PDXDC1: variants seen among roughly 807,000 people sequenced by gnomAD.
PDXDC1 encodes pyridoxal-dependent decarboxylase domain-containing protein 1.
A neutral mutation model predicts 100.1 loss-of-function variants in PDXDC1; 42 were observed. The observed-to-expected ratio is 0.42, with a 90% CI of 0.33 to 0.54. The LOEUF is 0.54. Among genes scored for constraint, PDXDC1 ranks in the 20% least tolerant of loss-of-function variants. PDXDC1 has a pLI of 0.10. For missense variants in PDXDC1, 636 were observed against 979.2 expected, an observed-to-expected ratio of 0.65 and a Z score of 4.68; for synonymous variants, 260 against 371.7, an observed-to-expected ratio of 0.70 and a Z score of 3.46.
chr16:15,137,288 C>A, intron 16 of PDXDC1: 1 of 885,020 alleles, frequency 1.1e-6, no homozygotes, highest in Non-Finnish European at 1.7e-6. Context: ...GAGGGTGGGG[C>A]CCCTACAGGT....
intron 16 of PDXDC1, among the ~76,000 whole-genome samples, chr16:15,099,022 C>A (rs2046451962): frequency 6.6e-6 from 1 of 152,186 alleles, no homozygotes; most frequent in Admixed American, 6.5e-5. Flanking sequence ...ACACTTCCAG[C>A]AATATCTTCT....
rs2045287520 is a variant in PDXDC1 at position 15,072,695 on chromosome 16, G to GT, written c.1399+42640dup. On this transcript the variant is annotated intron_variant, in intron 16 of 16. Transcript: ENST00000535621. ...ACCTGTGGTCCCAGCTATCGAGAGG[G>GT]TAAGGACTGAGAGTCCGTTGAGCCC... is the stretch of plus-strand genomic sequence containing the variant. Among the ~76,000 whole-genome samples the GT allele has an allele frequency of 2.0e-5, 3 of 152,236 alleles. No individual in the cohort carries two copies. The South Asian group carries it at 6.2e-4, about 32-fold the overall frequency.
At chr16:15,080,420 A>G (rs1472227901) in intron 16 of PDXDC1, among the ~76,000 whole-genome samples, 2 of 152,218 alleles carry the variant, frequency 1.3e-5, no homozygotes, top group Admixed American at 6.5e-5. Context: ...GACCATCAAC[A>G]TAATCAATTT....
intron 16 of PDXDC1, among the ~76,000 whole-genome samples, chr16:15,097,548 A>G (rs1364210770): frequency 1.3e-5 from 2 of 149,370 alleles, no homozygotes; most frequent in African/African-American, 4.9e-5. Context: ...AAGCTGAGGC[A>G]GGAGAATGGC....
At chr16:15,009,983 A>G (rs1204381396) in intron 8 of PDXDC1, among the ~76,000 whole-genome samples, 1 of 152,284 alleles carries the variant, frequency 6.6e-6, no homozygotes, top group Non-Finnish European at 1.5e-5. Context: ...ATACTTTTTC[A>G]TTTAGATGGT....
chr16:14,991,739 C>G (rs1251890582), intron 1 of PDXDC1, among the ~76,000 whole-genome samples: 1 of 152,242 alleles, frequency 6.6e-6, no homozygotes, highest in Non-Finnish European at 1.5e-5. Context: ...CCAGGCTCAT[C>G]TCAAACTCCC....
At chr16:15,043,344 A>C (rs978673987) in intron 16 of PDXDC1, among the ~76,000 whole-genome samples, 1 of 152,136 alleles carries the variant, frequency 6.6e-6, no homozygotes, top group Non-Finnish European at 1.5e-5. Context: ...CCGGATATGA[A>C]CCTTTTTTAA....
At chr16:15,041,798 CGCGCCCACACTGCCACAGCCT>C, downstream of PDXDC1, 1 of 737,002 alleles carries the variant, frequency 1.4e-6, no homozygotes. Context: ...CCCTACAGCC[CGCGCCCACACTGCCACAGCCT>C]GGCCTATGGG....
intron 16 of PDXDC1, among the ~76,000 whole-genome samples, chr16:15,122,331 C>G (rs1308847144): frequency 6.8e-6 from 1 of 147,010 alleles, no homozygotes; most frequent in Non-Finnish European, 1.5e-5. Flanking sequence ...CCACCTCAGC[C>G]TCTCCAGTAA....
chr16:15,145,064 G>T, the PDXDC1 span, among the ~76,000 whole-genome samples: 11 of 152,152 alleles, frequency 7.2e-5, no homozygotes, highest in African/African-American at 2.7e-4. Flanking sequence ...GCTCCTGATG[G>T]GCACAGAGGC....
intron 16 of PDXDC1, chr16:15,136,270 C>A (rs1489554543): frequency 3.3e-6 from 2 of 614,720 alleles, no homozygotes; most frequent in Non-Finnish European, 5.7e-6. Flanking sequence ...GAGCAGGGCC[C>A]ACCACCCCAG....
intron 5 of PDXDC1, among the ~76,000 whole-genome samples, chr16:15,004,698 T>C (rs1369071702): frequency 6.6e-6 from 1 of 152,234 alleles, no homozygotes; most frequent in African/African-American, 2.4e-5. Context: ...TGGGTGTCCT[T>C]GGGGGATTGG....
chr16:15,091,459 A>G, intron 16 of PDXDC1: 1 of 844,216 alleles, frequency 1.2e-6, no homozygotes, highest in Non-Finnish European at 1.8e-6. Context: ...TTAACATCAG[A>G]TGAAATTATA....
intron 1 of PDXDC1, among the ~76,000 whole-genome samples, chr16:14,979,743 C>G (rs1222498308): frequency 4.6e-5 from 7 of 152,286 alleles, no homozygotes; most frequent in Non-Finnish European, 1.0e-4. Flanking sequence ...TTAGAAAATT[C>G]TTTGTCACCT....
intron 3 of PDXDC1, among the ~76,000 whole-genome samples, chr16:15,001,334 C>A (rs1224662096): frequency 6.6e-6 from 1 of 152,212 alleles, no homozygotes; most frequent in Non-Finnish European, 1.5e-5. Flanking sequence ...ACTAAAAATA[C>A]AAAAATTAGC....
chr16:15,062,266 G>T (rs1190205911), intron 16 of PDXDC1, among the ~76,000 whole-genome samples: 1 of 152,170 alleles, frequency 6.6e-6, no homozygotes, highest in Non-Finnish European at 1.5e-5. Flanking sequence ...CTTGCAAACA[G>T]ATTTGAAGCT....
At chr16:15,040,658 A>G (rs1210116993), downstream of PDXDC1, among the ~76,000 whole-genome samples, 3 of 152,090 alleles carry the variant, frequency 2.0e-5, no homozygotes, top group African/African-American at 7.2e-5. Flanking sequence ...TCTGTTCTCA[A>G]GCAAAACCTT....
At chr16:15,005,164 C>G (rs1189854427) in intron 5 of PDXDC1, among the ~76,000 whole-genome samples, 1 of 152,270 alleles carries the variant, frequency 6.6e-6, no homozygotes, top group Non-Finnish European at 1.5e-5. Flanking sequence ...CGAGACCATT[C>G]TGGCTAACAT....
chr16:15,130,420 G>A (rs1282959111), intron 16 of PDXDC1: 5 of 1,527,686 alleles, frequency 3.3e-6, no homozygotes, highest in Non-Finnish European at 4.5e-6. Flanking sequence ...TGGCTGGAGA[G>A]GTTCAGACGG....
Sources: allele counts gnomAD v4.1 joint callset (sites outside exome capture counted in the v4.1 genomes callset), GRCh38; gene constraint gnomAD v4.1.1; transcripts MANE v1.5; gene names NCBI Gene and HGNC (gene_info 2026-07-23, HGNC 2026-07-21).